MAML3: variants seen among roughly 807,000 people sequenced by gnomAD.
MAML3 encodes mastermind-like protein 3.
MAML3 carries 27 observed loss-of-function variants against 101.9 expected under a neutral mutation model. The observed-to-expected ratio is 0.27, with a 90% CI of 0.20 to 0.37. The LOEUF (loss-of-function observed/expected upper bound fraction) is 0.37, where lower values mean the gene tolerates loss of function less well. MAML3 is among the 10% of genes least tolerant of loss of function. The pLI is 1.00. For synonymous variants in MAML3, 501 were observed against 555.9 expected (o/e 0.90, Z 1.39); for missense variants, 1,316 against 1,444.9 (o/e 0.91, Z 1.45).
In MAML3 at chr4:139,890,619, C is replaced by G. The variant is rs1341090103; in HGVS notation, c.817G>C (p.Asp273His). ...EDSFTILQSK[D>H]LKQEPLDDPT... ...TCATCGAGAGGTTCTTGTTTGAGGT[C>G]TTTGCTCTGCAAGATGGTGAAGCTA... is the stretch of plus-strand genomic sequence containing the variant. Residue 273 changes from aspartate (D) to histidine (H), a missense_variant, in exon 2 of 5, where the codon GAC becomes CAC. Physicochemically the swap from Asp to His is moderately conservative, Grantham distance 81 (BLOSUM62 -1). Coordinates refer to ENST00000509479, the MANE Select transcript of MAML3 (RefSeq NM_018717.5). This position sits in a 1 kb window ranked among gnomAD's most constrained non-coding sequence, Gnocchi z 4.1. 1.9e-6 allele frequency: 3 copies of G among 1,614,000 alleles called. No homozygotes were observed. The highest frequency in any genetic ancestry group is 2.5e-6 in the Non-Finnish European group (3 of 1,179,858).
intron 2 of MAML3, among the ~76,000 whole-genome samples, chr4:139,814,542 C>T (rs1229106123): frequency 1.3e-5 from 2 of 152,314 alleles, no homozygotes; most frequent in East Asian, 1.9e-4. Flanking sequence ...AGCACTGCTT[C>T]CCACAGATCT....
chr4:139,903,567 C>A (rs1030525861), intron 1 of MAML3, among the ~76,000 whole-genome samples: 8 of 152,184 alleles, frequency 5.3e-5, no homozygotes, highest in Admixed American at 5.2e-4. Context: ...CCACTTCATA[C>A]GTTGAAGTCC....
At chr4:139,943,897 A>ATTTTTTTTTTTT (rs1733655333) in intron 1 of MAML3, among the ~76,000 whole-genome samples, 1 of 65,438 alleles carries the variant, frequency 1.5e-5, no homozygotes, top group African/African-American at 6.5e-5. Flanking sequence ...TTGAGACGGA[A>ATTTTTTTTTTTT]TCTTGTTCTG....
chr4:139,803,548 G>A (rs1430319741), intron 2 of MAML3, among the ~76,000 whole-genome samples: 2 of 152,066 alleles, frequency 1.3e-5, no homozygotes, highest in African/African-American at 2.4e-5. Context: ...CAGGAGAGAG[G>A]GCTAATTAGC....
intron 1 of MAML3, among the ~76,000 whole-genome samples, chr4:139,931,041 T>C (rs1239917459): frequency 6.6e-6 from 1 of 152,174 alleles, no homozygotes; most frequent in African/African-American, 2.4e-5. Context: ...TGTGTTTTCT[T>C]CTTTCTCCTA....
intron 2 of MAML3, among the ~76,000 whole-genome samples, chr4:139,850,689 T>C (rs552908914): frequency 1.2e-3 from 184 of 152,008 alleles, no homozygotes; most frequent in African/African-American, 4.2e-3. Flanking sequence ...CACAGGTGCA[T>C]ACCACGAAGC....
At chr4:140,048,267 CAT>C (rs1015647025) in intron 1 of MAML3, among the ~76,000 whole-genome samples, 6 of 152,172 alleles carry the variant, frequency 3.9e-5, no homozygotes, top group African/African-American at 7.2e-5. Flanking sequence ...CTTCCCAAAA[CAT>C]GTGCAAATTC....
At chr4:139,970,798 T>C (rs1734222528) in intron 1 of MAML3, among the ~76,000 whole-genome samples, 1 of 152,204 alleles carries the variant, frequency 6.6e-6, no homozygotes, top group African/African-American at 2.4e-5. Flanking sequence ...GTCTGTCTTC[T>C]TACCATTAAA....
chr4:139,976,302 A>AT (rs1160838484), intron 1 of MAML3, among the ~76,000 whole-genome samples: 1 of 152,206 alleles, frequency 6.6e-6, no homozygotes, highest in Non-Finnish European at 1.5e-5. Flanking sequence ...AAAAACAGTA[A>AT]TCAGAGCAGA....
intron 1 of MAML3, among the ~76,000 whole-genome samples, chr4:139,940,057 T>A (rs1477671526): frequency 6.6e-6 from 1 of 152,050 alleles, no homozygotes; most frequent in Non-Finnish European, 1.5e-5. Flanking sequence ...AGCCACCGCG[T>A]CCAGCCCAAT....
At chr4:139,811,730 C>G (rs1024919333) in intron 2 of MAML3, among the ~76,000 whole-genome samples, 1 of 152,198 alleles carries the variant, frequency 6.6e-6, no homozygotes, top group Non-Finnish European at 1.5e-5. Context: ...ATCTCCATTT[C>G]TTTTCTACTT....
chr4:139,883,755 C>T (rs924348101), intron 2 of MAML3, among the ~76,000 whole-genome samples: 1 of 151,950 alleles, frequency 6.6e-6, no homozygotes, highest in Non-Finnish European at 1.5e-5. Flanking sequence ...TCATCAAAAT[C>T]CCCCTAGCAG....
At chr4:139,987,312 A>G (rs1734556289) in intron 1 of MAML3, among the ~76,000 whole-genome samples, 1 of 152,184 alleles carries the variant, frequency 6.6e-6, no homozygotes, top group East Asian at 1.9e-4. Flanking sequence ...CTCAAAGAAA[A>G]TGACTGGGCA....
intron 1 of MAML3, among the ~76,000 whole-genome samples, chr4:139,943,864 CT>C (rs10644498): frequency 1.4e-3 from 90 of 65,856 alleles, no homozygotes; most frequent in South Asian, 1.6e-3. Context: ...CTAAAGACAA[CT>C]TTTTTTTTTT....
chr4:139,848,201 C>T (rs574716089), intron 2 of MAML3, among the ~76,000 whole-genome samples: 2 of 152,294 alleles, frequency 1.3e-5, no homozygotes, highest in Non-Finnish European at 2.9e-5. Flanking sequence ...GCTGCTGCTG[C>T]ACCTAATGAT....
intron 1 of MAML3, among the ~76,000 whole-genome samples, chr4:140,059,394 T>C (rs918380934): frequency 5.3e-5 from 8 of 152,160 alleles, no homozygotes; most frequent in African/African-American, 1.9e-4. Context: ...TTCTCTTTAC[T>C]GTACACAGAC....
intron 2 of MAML3, among the ~76,000 whole-genome samples, chr4:139,768,222 T>TGTG (rs1729903208): frequency 7.3e-6 from 1 of 136,344 alleles, no homozygotes; most frequent in Non-Finnish European, 1.6e-5. Context: ...CTGTTGATAG[T>TGTG]TGTGTGTGTG....
At chr4:139,894,960 G>T (rs1250543035) in intron 1 of MAML3, among the ~76,000 whole-genome samples, 1 of 152,182 alleles carries the variant, frequency 6.6e-6, no homozygotes, top group Non-Finnish European at 1.5e-5. Flanking sequence ...ATAAGCATTT[G>T]TCTTAACAAT....
chr4:139,888,572 T>C (rs897301378), intron 2 of MAML3: 1 of 518,944 alleles, frequency 1.9e-6, no homozygotes, highest in Non-Finnish European at 3.8e-6. Flanking sequence ...AGCTTGTCAA[T>C]GACTATTCAC....
Sources: gnomAD v4.1 joint callset for allele counts (sites outside exome capture counted in the v4.1 genomes callset) on GRCh38, gnomAD v4.1.1 for gene constraint, Gnocchi (gnomAD v3.1) non-coding constraint, MANE v1.5 for transcripts, NCBI Gene and HGNC (gene_info 2026-07-23, HGNC 2026-07-21) for gene names.